The following PALLD variants were observed in gnomAD, a reference collection of about 807,000 sequenced individuals.
The protein encoded by PALLD is palladin.
In PALLD, 61 loss-of-function variants were observed where a neutral mutation model predicts 123.5. That is an observed-to-expected ratio of 0.49 (90% CI 0.40 to 0.61). The LOEUF is 0.61. Ranked by LOEUF, PALLD falls within the 20% of genes least tolerant of loss-of-function variation. The pLI, the probability that PALLD is intolerant of heterozygous loss-of-function variation, is 0.00. For missense variants in PALLD, 1,273 were observed against 1,377.0 expected, an observed-to-expected ratio of 0.92 and a Z score of 1.20; for synonymous variants, 465 against 496.4, an observed-to-expected ratio of 0.94 and a Z score of 0.84.
At chr4:168,901,845 GC>G (rs1042650336) in intron 14 of PALLD, among the ~76,000 whole-genome samples, 1 of 152,124 alleles carries the variant, frequency 6.6e-6, no homozygotes, top group Non-Finnish European at 1.5e-5. Flanking sequence ...GGGGGACAGA[GC>G]TAGACTCATC....
chr4:168,502,358 G>T (rs188457589), intron 1 of PALLD, among the ~76,000 whole-genome samples: 10 of 152,184 alleles, frequency 6.6e-5, no homozygotes, highest in African/African-American at 2.4e-4. Flanking sequence ...TTCTTTGAGG[G>T]TAATGAGAAA....
At chr4:168,714,432 T>C (rs560833262) in intron 10 of PALLD, among the ~76,000 whole-genome samples, 50 of 152,366 alleles carry the variant, frequency 3.3e-4, no homozygotes, top group Non-Finnish European at 6.3e-4. Context: ...CTCAAAGTTG[T>C]ATTATTGATA....
At chr4:168,508,752 T>C (rs913182258) in intron 1 of PALLD, among the ~76,000 whole-genome samples, 2 of 150,594 alleles carry the variant, frequency 1.3e-5, no homozygotes, top group African/African-American at 4.9e-5. Flanking sequence ...GTTGTGCCTT[T>C]GGTACACAAA....
chr4:168,513,903 G>A (rs558045306), intron 2 of PALLD, among the ~76,000 whole-genome samples: 8 of 152,088 alleles, frequency 5.3e-5, no homozygotes, highest in South Asian at 4.2e-4. Flanking sequence ...CCAGGAGTTC[G>A]AGACAAGCCT....
intron 2 of PALLD, among the ~76,000 whole-genome samples, chr4:168,614,936 A>G (rs1774077809): frequency 2.6e-5 from 4 of 152,196 alleles, no homozygotes; most frequent in African/African-American, 9.7e-5. Flanking sequence ...GATTGCCAAT[A>G]GGCTGTGGGT....
At chr4:168,810,777 C>T (rs1188425585) in intron 10 of PALLD, among the ~76,000 whole-genome samples, 6 of 149,954 alleles carry the variant, frequency 4.0e-5, no homozygotes, top group East Asian at 1.9e-4. Context: ...CACTGCAGTC[C>T]GCAGTCCGGC....
At chr4:168,572,116 T>C (rs890423731) in intron 2 of PALLD, among the ~76,000 whole-genome samples, 3 of 152,052 alleles carry the variant, frequency 2.0e-5, no homozygotes, top group Non-Finnish European at 2.9e-5. Flanking sequence ...CGACTTCCTG[T>C]CCCTCCTGAT....
chr4:168,922,930 C>T (rs572208769), intron 18 of PALLD, among the ~76,000 whole-genome samples: 10 of 152,266 alleles, frequency 6.6e-5, no homozygotes, highest in Non-Finnish European at 1.0e-4. Flanking sequence ...CGGCTCTTGT[C>T]GATTTTACTA....
intron 8 of PALLD, among the ~76,000 whole-genome samples, chr4:168,705,532 G>A (rs1296102113): frequency 6.6e-6 from 1 of 152,138 alleles, no homozygotes; most frequent in Non-Finnish European, 1.5e-5. Flanking sequence ...TGTTCTTATT[G>A]TTCTTCAAGA....
Position 168,573,939 on chromosome 4 carries a change from C to CT in PALLD, c.908+61539dup, listed in dbSNP as rs1224618191. Among the ~76,000 whole-genome samples the CT allele has an allele frequency of 4.1e-3, 577 of 142,148 alleles. 3 individuals carry two copies. Among genetic ancestry groups the CT allele is most frequent in the African/African-American group, 9.0e-3 (351 of 39,022 alleles). 93.3% of individuals were successfully genotyped at this position (142,148 alleles called of 152,430 possible). ...AGAGAAAACAACTTCTGGGAAGCAG[C>CT]TTTTTTTTTTTTGCAAGGTTTATCC... On this transcript the variant is annotated intron_variant, in intron 2 of 21. Coordinates refer to ENST00000505667, the MANE Select transcript of PALLD (RefSeq NM_001166108.2).
chr4:168,711,387 C>A (rs188902696), intron 9 of PALLD, among the ~76,000 whole-genome samples, 194 bp from the exon 10 acceptor site: 1 of 152,346 alleles, frequency 6.6e-6, no homozygotes, highest in East Asian at 1.9e-4. Flanking sequence ...AACGGTAGCA[C>A]TCGTTCAAAA....
chr4:168,614,304 G>T (rs1243060757), intron 2 of PALLD, among the ~76,000 whole-genome samples: 1 of 152,112 alleles, frequency 6.6e-6, no homozygotes, highest in Non-Finnish European at 1.5e-5. Flanking sequence ...ATAAATTAAA[G>T]GAAGGCCTAT....
chr4:168,867,062 T>C (rs574763485), intron 10 of PALLD, among the ~76,000 whole-genome samples: 1 of 152,334 alleles, frequency 6.6e-6, no homozygotes, highest in South Asian at 2.1e-4. Context: ...CTCCTCAGTT[T>C]AAATCCCGTC....
Position 168,709,165 on chromosome 4 carries a change from A to T in PALLD, c.1621+18A>T. On this transcript the variant is annotated intron_variant, in intron 9 of 21. Coordinates refer to ENST00000505667, the MANE Select transcript of PALLD (RefSeq NM_001166108.2). ...CACCTCAGGTATGTGAGGAGTAAAA[A>T]AAATGACTGGGTTCTGTTCCCCAGC... The T allele has an allele frequency of 6.2e-7, 1 of 1,613,396 alleles. No homozygotes were observed. Among genetic ancestry groups the T allele is most frequent in the Non-Finnish European group, 8.5e-7 (1 of 1,179,848 alleles).
At chr4:168,748,820 CCT>C (rs1380215389) in intron 10 of PALLD, among the ~76,000 whole-genome samples, 3 of 152,164 alleles carry the variant, frequency 2.0e-5, no homozygotes. Flanking sequence ...GCCATGTGGC[CCT>C]CTCCAGAGGC....
intron 2 of PALLD, among the ~76,000 whole-genome samples, chr4:168,597,901 T>C (rs1178640256): frequency 6.6e-6 from 1 of 152,178 alleles, no homozygotes; most frequent in Non-Finnish European, 1.5e-5. Context: ...TGGTGTGTTA[T>C]GAGCTTTACA....
chr4:168,689,174 G>A (rs1782368670), intron 6 of PALLD, among the ~76,000 whole-genome samples: 2 of 152,168 alleles, frequency 1.3e-5, no homozygotes, highest in Non-Finnish European at 2.9e-5. Context: ...GACTTTTATA[G>A]TTCTTCTGCC....
At chr4:168,606,414 C>T (rs2149744547) in intron 2 of PALLD, among the ~76,000 whole-genome samples, 1 of 152,216 alleles carries the variant, frequency 6.6e-6, no homozygotes, top group Non-Finnish European at 1.5e-5. Context: ...GTGGCTCAGG[C>T]CTGTAATCCC....
At chr4:168,708,580 C>G (rs879888986) in intron 8 of PALLD, among the ~76,000 whole-genome samples, 1 of 152,070 alleles carries the variant, frequency 6.6e-6, no homozygotes, top group East Asian at 1.9e-4. Context: ...TTTTTTCCCC[C>G]GTGGTTAACA....
Sources: allele counts gnomAD v4.1 joint callset (sites outside exome capture counted in the v4.1 genomes callset), GRCh38; gene constraint gnomAD v4.1.1; transcripts MANE v1.5; gene names NCBI Gene and HGNC (gene_info 2026-07-23, HGNC 2026-07-21).